Variants in PIEZO1 observed in about 807,000 individuals in gnomAD.
PIEZO1 encodes piezo-type mechanosensitive ion channel component 1.
In PIEZO1, 296 loss-of-function variants were observed where a neutral mutation model predicts 297.2. That is an observed-to-expected ratio of 1.00 (90% CI 0.91 to 1.10). PIEZO1 has a LOEUF of 1.10. Among genes scored for constraint, PIEZO1 ranks in the 50% least tolerant of loss-of-function variants. The pLI, the probability that PIEZO1 is intolerant of heterozygous loss-of-function variation, is 0.00. For missense variants in PIEZO1, 5,018 were observed against 3,455.5 expected (o/e 1.45, Z -11.34); for synonymous variants, 2,427 against 1,507.5 (o/e 1.61, Z -14.13).
rs917866420 is a variant in PIEZO1 at position 88,731,848 on chromosome 16, G to C, written c.3054C>G (p.His1018Gln). The C allele has an allele frequency of 4.3e-6, 6 of 1,382,922 alleles. No individual in the cohort carries two copies. The highest frequency in any genetic ancestry group is 3.8e-6 in the Non-Finnish European group (4 of 1,061,300). The allele number at this position is 1,382,922 out of a possible 1,614,324, so 85.7% of individuals were successfully genotyped here. Residue 1018 changes from histidine to glutamine, a missense_variant, in exon 22 of 51, where the codon CAC becomes CAG. His to Gln is a conservative substitution (Grantham distance 24, BLOSUM62 0). Transcript: ENST00000301015. ...GQRMNFLVTLHGCWLVAILTR... is the reference protein window; with the variant it reads ...GQRMNFLVTLQGCWLVAILTR... ...TGAGGATGGCCACCAGCCAGCAACCGTGCAGGGTCACCAGAAAGTTCATGC... is the reference window on the plus strand; with the variant it reads ...TGAGGATGGCCACCAGCCAGCAACCCTGCAGGGTCACCAGAAAGTTCATGC...
Position 88,721,338 on chromosome 16 carries a change from C to G in PIEZO1, c.5496G>C (p.Gly1832=). ...GGTCTTCGGTGGTGGCCGCAGGCAC[C>G]CCTGGCCCCTCCTCGGCTCCCTGCT... is the stretch of plus-strand genomic sequence containing the variant. The part of the protein sequence containing the change: ...EEEQGAEEGP[G]VPAATTEDHI... The change falls in exon 39 of 51, where the codon GGG becomes GGC. Residue 1832 remains glycine, a synonymous_variant. Transcript: ENST00000301015. 6.5e-7 allele frequency: 1 copy of G among 1,547,980 alleles called. No individual in the cohort carries two copies.
chr16:88,756,821 A>G (rs536512509), intron 1 of PIEZO1, among the ~76,000 whole-genome samples: 8 of 151,938 alleles, frequency 5.3e-5, no homozygotes, highest in Non-Finnish European at 1.0e-4. Flanking sequence ...TCATGCCTGT[A>G]ATCCCAGCAC....
intron 1 of PIEZO1, among the ~76,000 whole-genome samples, chr16:88,750,243 G>A (rs928631939): frequency 1.3e-5 from 2 of 152,000 alleles, no homozygotes; most frequent in African/African-American, 4.8e-5. Context: ...GGCTGAGGCA[G>A]GAGAATCGCT....
intron 1 of PIEZO1, among the ~76,000 whole-genome samples, chr16:88,750,008 G>A (rs1906302937): frequency 6.6e-6 from 1 of 151,646 alleles, no homozygotes; most frequent in South Asian, 2.1e-4. Context: ...GGGCAACAGA[G>A]CAAGACTCCG....
chr16:88,773,864 G>A (rs1283286641), intron 1 of PIEZO1, among the ~76,000 whole-genome samples: 1 of 152,108 alleles, frequency 6.6e-6, no homozygotes, highest in African/African-American at 2.4e-5. Flanking sequence ...GGGCCCCACC[G>A]GAGCTTGCTC....
At chr16:88,730,150 G>T (rs1904703333) in intron 22 of PIEZO1, among the ~76,000 whole-genome samples, 1 of 152,244 alleles carries the variant, frequency 6.6e-6, no homozygotes, top group Admixed American at 6.5e-5. Flanking sequence ...GGCTGAGGCA[G>T]CCCTGTAGCA....
At chr16:88,783,853 A>G (rs1446832012) in intron 1 of PIEZO1, among the ~76,000 whole-genome samples, 1 of 152,214 alleles carries the variant, frequency 6.6e-6, no homozygotes, top group Non-Finnish European at 1.5e-5. Context: ...CTAGATCCCC[A>G]AAGCTAGCGC....
Position 88,720,104 on chromosome 16 carries a change from T to G in PIEZO1, c.6129A>C (p.Leu2043=), listed in dbSNP as rs1020388833. 100 of 1,550,190 alleles carry G rather than the reference T, an allele frequency of 6.5e-5. 2 individuals carry two copies. Among genetic ancestry groups the G allele is most frequent in the Non-Finnish European group, 4.0e-5 (46 of 1,146,974 alleles). Residue 2043 remains leucine (L), a synonymous_variant, in exon 42 of 51, where the codon CTA becomes CTC. Transcript: ENST00000301015. ...CGGCGGGCAGGATGAAGAACATCCA[T>G]AGGTGGATGGCCAGCACCAGCGCCA... The part of the protein sequence containing the change: ...FQVALVLAIH[L]WMFFILPAVT...
In PIEZO1 at chr16:88,716,662, C is replaced by A. The variant is rs754402684; in HGVS notation, c.6823G>T (p.Gly2275Trp). 6.5e-7 allele frequency: 1 copy of A among 1,549,302 alleles called. No homozygotes were observed. Residue 2275 changes from glycine (G) to tryptophan (W), a missense_variant, in exon 47 of 51, where the codon GGG becomes TGG. Transcript: ENST00000301015. Reference protein sequence around the residue: ...IVTAQIEGSSGALWRISPPSR... With the variant: ...IVTAQIEGSSWALWRISPPSR... Reference sequence around the variant, plus strand: ...GGGGGACTGATGCGCCACAGCGCCCCGGAGCTGCCCTCAATCTGCGCCGTG... The same window carrying A: ...GGGGGACTGATGCGCCACAGCGCCCAGGAGCTGCCCTCAATCTGCGCCGTG...
intron 1 of PIEZO1, among the ~76,000 whole-genome samples, chr16:88,756,464 G>T (rs1230709883): frequency 6.6e-6 from 1 of 152,220 alleles, no homozygotes; most frequent in Non-Finnish European, 1.5e-5. Flanking sequence ...TACAAAACTG[G>T]TGGCTGGGGC....
At chr16:88,721,485 G>A in intron 38 of PIEZO1, 53 bp downstream of exon 38, 5 of 1,538,678 alleles carry the variant, frequency 3.2e-6, no homozygotes, top group South Asian at 2.4e-5. Flanking sequence ...GGAGAGCACA[G>A]GTGCCCAGAG....
chr16:88,744,124 G>T (rs1905879880), intron 2 of PIEZO1: 1 of 166,628 alleles, frequency 6.0e-6, no homozygotes. Context: ...GCAGCAGGAG[G>T]GCACCAGCCA....
In PIEZO1 at chr16:88,736,195, G is replaced by A. The variant is rs1056493410; in HGVS notation, c.1510C>T (p.Leu504=). Residue 504 remains leucine (L), a synonymous_variant, in exon 12 of 51, where the codon CTG becomes TTG. Transcript: ENST00000301015. ...GGGTAGCGGGTGTGCTCCAGCCCCAGCTGGCGCAGGCTGACGGGGCCCAGG... is the reference window on the plus strand; with the variant it reads ...GGGTAGCGGGTGTGCTCCAGCCCCAACTGGCGCAGGCTGACGGGGCCCAGG... ...TTLGPVSLRQ[L]GLEHTRYPCL... is the part of the protein sequence containing the mutation. The A allele has an allele frequency of 1.3e-6, 2 of 1,549,538 alleles. No homozygotes were observed. The highest frequency in any genetic ancestry group is 2.7e-5 in the African/African-American group (2 of 73,142).
chr16:88,727,141 G>A lies in PIEZO1; in HGVS notation c.3353C>T (p.Ala1118Val). ...GCGCTGCCACTCCTCTGTGCGCTCA[G>A]CTGAGAACACCTGCCACTGCTGGGA... ...CASQQWQVFS[A>V]ERTEEWQRMA... The change falls in exon 24 of 51, where the codon GCT (alanine) becomes GTT (valine). Residue 1118 changes from alanine (A) to valine (V), a missense_variant. Transcript: ENST00000301015. 4.5e-6 allele frequency: 7 copies of A among 1,549,526 alleles called. No individual in the cohort carries two copies. The highest frequency in any genetic ancestry group is 6.1e-6 in the Non-Finnish European group (7 of 1,146,402).
rs984883590 is a variant in PIEZO1, at chr16:88,720,482, T to C, written c.5852A>G (p.His1951Arg). ...GTCGGTGGCTGCGCGGTACTTGGTG[T>C]GCAGGATGTCGTGGAAGAAGCGCCG... is the stretch of plus-strand genomic sequence containing the variant. ...PLRRFFHDIL[H>R]TKYRAATDVY... The change falls in exon 41 of 51, where the codon CAC (histidine) becomes CGC (arginine). Residue 1951 changes from histidine (H) to arginine (R), a missense_variant. By Grantham distance (29) the His-to-Arg change is conservative. Coordinates refer to ENST00000301015, the MANE Select transcript of PIEZO1 (RefSeq NM_001142864.4). 5.2e-6 allele frequency: 8 copies of C among 1,550,364 alleles called. No homozygotes were observed. The highest frequency in any genetic ancestry group is 7.0e-6 in the Non-Finnish European group (8 of 1,146,940).
At chr16:88,784,031 G>C (rs1016304460) in intron 1 of PIEZO1, among the ~76,000 whole-genome samples, 1 of 152,212 alleles carries the variant, frequency 6.6e-6, no homozygotes, top group East Asian at 1.9e-4. Context: ...GGGAGCCCCC[G>C]GGCGGAGGGC....
intron 1 of PIEZO1, among the ~76,000 whole-genome samples, chr16:88,774,527 C>T (rs1195104643): frequency 6.6e-6 from 1 of 152,216 alleles, no homozygotes; most frequent in Non-Finnish European, 1.5e-5. Flanking sequence ...CCAGAGTCCC[C>T]AGCAGCAGCC....
At chr16:88,731,473 A>G (rs955417837) in intron 22 of PIEZO1, 47 of 560,726 alleles carry the variant, frequency 8.4e-5, no homozygotes, top group Non-Finnish European at 1.3e-4. Flanking sequence ...AAGATAGAAT[A>G]CTGGGCAAAA....
At chr16:88,741,257 G>T in intron 5 of PIEZO1, 1 of 504,856 alleles carries the variant, frequency 2.0e-6, no homozygotes. Context: ...GGGCGTGGAG[G>T]TTTCTGACTA....
Sources: allele counts gnomAD v4.1 joint callset (sites outside exome capture counted in the v4.1 genomes callset), GRCh38; gene constraint gnomAD v4.1.1; transcripts MANE v1.5; gene names NCBI Gene and HGNC (gene_info 2026-07-23, HGNC 2026-07-21).